CTNND2: variants seen among roughly 807,000 people sequenced by gnomAD.
CTNND2 encodes catenin delta-2.
A neutral mutation model predicts 144.4 loss-of-function variants in CTNND2; 22 were observed. The observed-to-expected ratio is 0.15, with a 90% CI of 0.11 to 0.22. The LOEUF (loss-of-function observed/expected upper bound fraction) is 0.22. Ranked by LOEUF, CTNND2 falls within the 10% of genes least tolerant of loss-of-function variation. The pLI, the probability that CTNND2 is intolerant of heterozygous loss-of-function variation, is 1.00. For missense variants in CTNND2, 1,353 were observed against 1,618.8 expected, an observed-to-expected ratio of 0.84 and a Z score of 2.82; for synonymous variants, 751 against 695.6, an observed-to-expected ratio of 1.08 and a Z score of -1.25.
At chr5:11,492,431 C>G (rs1769484445) in intron 3 of CTNND2, among the ~76,000 whole-genome samples, 1 of 151,670 alleles carries the variant, frequency 6.6e-6, no homozygotes, top group South Asian at 2.1e-4. Flanking sequence ...ATGTAGATAT[C>G]TGTACATATG....
intron 9 of CTNND2, among the ~76,000 whole-genome samples, chr5:11,313,312 C>T (rs181592081): frequency 9.8e-5 from 15 of 152,340 alleles, no homozygotes; most frequent in South Asian, 6.2e-4. Context: ...GCTCCCCAGC[C>T]TCAGTACGGC....
At chr5:11,649,858 G>T (rs924271470) in intron 2 of CTNND2, among the ~76,000 whole-genome samples, 1 of 152,142 alleles carries the variant, frequency 6.6e-6, no homozygotes, top group African/African-American at 2.4e-5. Flanking sequence ...GTCTCACGAT[G>T]ACCATATGAC....
intron 1 of CTNND2, among the ~76,000 whole-genome samples, chr5:11,825,659 CATT>C: frequency 6.6e-6 from 1 of 152,028 alleles, no homozygotes; most frequent in East Asian, 1.9e-4. Flanking sequence ...TTGCTTTTAT[CATT>C]ATTAATAATA....
chr5:11,323,163 C>T (rs757077587), intron 9 of CTNND2, among the ~76,000 whole-genome samples: 1 of 150,734 alleles, frequency 6.6e-6, no homozygotes, highest in Non-Finnish European at 1.5e-5. Flanking sequence ...CTCAGCTTCC[C>T]GAGCAGCCAG....
intron 3 of CTNND2, among the ~76,000 whole-genome samples, chr5:11,528,172 T>G (rs1363104488): frequency 6.6e-6 from 1 of 152,208 alleles, no homozygotes; most frequent in African/African-American, 2.4e-5. Context: ...ATATTGTTAC[T>G]ACTGCAGTTG....
At chr5:11,639,443 C>T (rs908312763) in intron 2 of CTNND2, among the ~76,000 whole-genome samples, 3 of 152,184 alleles carry the variant, frequency 2.0e-5, no homozygotes, top group African/African-American at 7.2e-5. Flanking sequence ...ACTGATTATA[C>T]AACACTTAGG....
intron 2 of CTNND2, among the ~76,000 whole-genome samples, chr5:11,589,489 C>T (rs575459681): frequency 1.1e-3 from 171 of 152,176 alleles, no homozygotes; most frequent in African/African-American, 4.0e-3. Flanking sequence ...TAAGTTTATT[C>T]AAATTATTTG....
rs375924663 is a variant in CTNND2 at position 11,036,053 on chromosome 5, T to G, written c.2789-13074A>C. On this transcript the variant is annotated intron_variant, in intron 16 of 21. Transcript: ENST00000304623. ...TATATACTCTGTTTTCAGTAAGAAA[T>G]TGTGAAGAATAGTCTGTGCCCAAAG... is the stretch of plus-strand genomic sequence containing the variant. Among the ~76,000 whole-genome samples, 9 of 152,288 alleles carry G rather than the reference T, an allele frequency of 5.9e-5. No homozygotes were observed. In the East Asian group the frequency reaches 1.7e-3, roughly 29 times the overall value.
At chr5:11,451,612 TC>T (rs1156596945) in intron 3 of CTNND2, among the ~76,000 whole-genome samples, 2 of 152,194 alleles carry the variant, frequency 1.3e-5, no homozygotes, top group African/African-American at 4.8e-5. Context: ...CTGAAACACT[TC>T]TGGTACCAAG....
chr5:11,206,787 C>T (rs1459431344), intron 10 of CTNND2, among the ~76,000 whole-genome samples: 5 of 152,094 alleles, frequency 3.3e-5, no homozygotes, highest in African/African-American at 9.7e-5. Flanking sequence ...AACTGCTTTC[C>T]CTGAATAACT....
At chr5:11,046,494 T>C (rs11745793) in intron 16 of CTNND2, among the ~76,000 whole-genome samples, 7,663 of 152,304 alleles carry the variant, frequency 0.05, 277 homozygotes, top group African/African-American at 0.088. Context: ...CACTTTGTTA[T>C]AGGAACCCTA....
At chr5:11,697,718 C>T (rs1248464998) in intron 2 of CTNND2, among the ~76,000 whole-genome samples, 3 of 152,172 alleles carry the variant, frequency 2.0e-5, no homozygotes, top group African/African-American at 4.8e-5. Flanking sequence ...GCAGTTCAAA[C>T]TCTTAGTCTA....
intron 2 of CTNND2, among the ~76,000 whole-genome samples, chr5:11,585,086 C>T (rs1778740059): frequency 6.6e-6 from 1 of 152,104 alleles, no homozygotes; most frequent in South Asian, 2.1e-4. Flanking sequence ...GCAGAGCATA[C>T]AGAAGTCAAG....
At chr5:11,216,068 T>TA (rs1382373453) in intron 10 of CTNND2, among the ~76,000 whole-genome samples, 2 of 152,130 alleles carry the variant, frequency 1.3e-5, no homozygotes, top group Admixed American at 1.3e-4. Context: ...TGTTAAGTGG[T>TA]AAAAAATCCT....
chr5:11,441,741 A>C (rs1440872893), intron 3 of CTNND2, among the ~76,000 whole-genome samples: 1 of 150,676 alleles, frequency 6.6e-6, no homozygotes, highest in Non-Finnish European at 1.5e-5. Flanking sequence ...TGAACTTGGA[A>C]GCTCCTGGGC....
intron 8 of CTNND2, among the ~76,000 whole-genome samples, chr5:11,354,961 A>C (rs776779439): frequency 6.6e-6 from 1 of 152,188 alleles, no homozygotes; most frequent in Non-Finnish European, 1.5e-5. Flanking sequence ...AACTTTACAA[A>C]TACATGGAAA....
chr5:11,303,109 G>A (rs1232649586), intron 9 of CTNND2, among the ~76,000 whole-genome samples: 2 of 152,148 alleles, frequency 1.3e-5, no homozygotes, highest in East Asian at 1.9e-4. Flanking sequence ...ATCAAGCCAC[G>A]GGTTGCCTCA....
chr5:11,631,401 C>A (rs925425572), intron 2 of CTNND2, among the ~76,000 whole-genome samples: 16 of 152,238 alleles, frequency 1.1e-4, no homozygotes, highest in African/African-American at 3.9e-4. Context: ...TAAAAATTTT[C>A]TTATTATTTG....
chr5:11,436,564 T>C (rs1763794985), intron 3 of CTNND2, among the ~76,000 whole-genome samples: 3 of 152,242 alleles, frequency 2.0e-5, no homozygotes, highest in Non-Finnish European at 4.4e-5. Context: ...CAAACTGCCA[T>C]GGTTAGTGAC....
Sources: allele counts gnomAD v4.1 joint callset (sites outside exome capture counted in the v4.1 genomes callset), GRCh38; gene constraint gnomAD v4.1.1; transcripts MANE v1.5; gene names NCBI Gene and HGNC (gene_info 2026-07-23, HGNC 2026-07-21).